Variants in KCNIP4 observed in about 807,000 individuals in gnomAD.
KCNIP4 encodes the protein potassium voltage-gated channel interacting protein 4.
A neutral mutation model predicts 34.0 loss-of-function variants in KCNIP4; 12 were observed. That is an observed-to-expected ratio of 0.35 (90% CI 0.23 to 0.57). The LOEUF is 0.57. KCNIP4 is among the 20% of genes least tolerant of loss of function. KCNIP4 has a pLI of 0.83. For synonymous variants in KCNIP4, 124 were observed against 102.2 expected, an observed-to-expected ratio of 1.21 and a Z score of -1.29; for missense variants, 238 against 311.7, an observed-to-expected ratio of 0.76 and a Z score of 1.78.
At chr4:21,506,908 C>T (rs1475731634) in intron 1 of KCNIP4, among the ~76,000 whole-genome samples, 1 of 151,812 alleles carries the variant, frequency 6.6e-6, no homozygotes, top group South Asian at 2.1e-4. Flanking sequence ...CCTTCTGTCT[C>T]AGCCTCCCAA....
chr4:21,471,437 A>G (rs1231317933), intron 1 of KCNIP4, among the ~76,000 whole-genome samples: 1 of 152,210 alleles, frequency 6.6e-6, no homozygotes, highest in East Asian at 1.9e-4. Flanking sequence ...AATTAAGAGA[A>G]TAATAATTAG....
intron 1 of KCNIP4, among the ~76,000 whole-genome samples, chr4:21,268,128 A>G (rs1357507723): frequency 6.6e-6 from 1 of 152,224 alleles, no homozygotes; most frequent in Non-Finnish European, 1.5e-5. Context: ...TAAATTTTAC[A>G]ACATTATAAA....
intron 1 of KCNIP4, among the ~76,000 whole-genome samples, chr4:21,552,785 T>C (rs1207220021): frequency 6.6e-6 from 1 of 152,062 alleles, no homozygotes; most frequent in East Asian, 1.9e-4. Context: ...TGTAGAGCAA[T>C]ATTCCCAGAC....
At chr4:20,895,644 A>C (rs1726433188) in intron 1 of KCNIP4, among the ~76,000 whole-genome samples, 1 of 152,330 alleles carries the variant, frequency 6.6e-6, no homozygotes, top group South Asian at 2.1e-4. Flanking sequence ...TTTATTCATT[A>C]ATTTAACCAA....
At chr4:21,104,855 C>A (rs1748347534) in intron 1 of KCNIP4, among the ~76,000 whole-genome samples, 1 of 151,604 alleles carries the variant, frequency 6.6e-6, no homozygotes. Context: ...ATAGGGAATC[C>A]TTTCCCCATT....
intron 1 of KCNIP4, among the ~76,000 whole-genome samples, chr4:21,800,164 T>TA (rs1370453582): frequency 2.6e-5 from 4 of 152,112 alleles, no homozygotes; most frequent in Non-Finnish European, 5.9e-5. Context: ...ATTGGTGTGT[T>TA]AAAAAAATCA....
In KCNIP4 at chr4:21,648,208, G is replaced by A. The variant is rs61320611; in HGVS notation, c.61+300363C>T. Among the ~76,000 whole-genome samples, 544 of 151,980 alleles carry A rather than the reference G, an allele frequency of 3.6e-3. 3 individuals carry two copies. Among genetic ancestry groups the A allele is most frequent in the African/African-American group, 0.013 (521 of 41,442 alleles). ...CTTTTAAAAAACAGATGAATACACT[G>A]ATGTCCTTCATCCCTGCAAAACGAG... On this transcript the variant is annotated intron_variant, in intron 1 of 8. Transcript: ENST00000382152.
intron 1 of KCNIP4, among the ~76,000 whole-genome samples, chr4:21,188,782 T>C (rs1437027117): frequency 6.6e-6 from 1 of 152,238 alleles, no homozygotes; most frequent in Non-Finnish European, 1.5e-5. Context: ...GATTAATTAC[T>C]AATACAAGTA....
At chr4:20,919,059 A>T (rs1244329286) in intron 1 of KCNIP4, among the ~76,000 whole-genome samples, 2 of 152,220 alleles carry the variant, frequency 1.3e-5, no homozygotes, top group Admixed American at 1.3e-4. Context: ...TGATACAGAA[A>T]GTTAGAGTGA....
At position 21,415,709 on chromosome 4, in the gene KCNIP4, C is replaced by A. The variant is rs1012060593; in HGVS notation, c.61+532862G>T. Among the ~76,000 whole-genome samples, 11 of 151,840 alleles carry A rather than the reference C, an allele frequency of 7.2e-5. 1 individual carries two copies. The highest frequency in any genetic ancestry group is 1.5e-4 in the Non-Finnish European group (10 of 67,960). On this transcript the variant is annotated intron_variant, in intron 1 of 8. Transcript: ENST00000382152. ...AGAGTGGGACTTTGTCTCAAACAAG[C>A]AAACAAACCAAATAAACAAATAAAA... is the stretch of plus-strand genomic sequence containing the variant.
chr4:21,295,082 T>C (rs891755139), intron 1 of KCNIP4, among the ~76,000 whole-genome samples: 1 of 152,152 alleles, frequency 6.6e-6, no homozygotes, highest in African/African-American at 2.4e-5. Context: ...AAAAGTGTAA[T>C]TATAAGTGTG....
At chr4:21,128,917 A>G (rs1292043295) in intron 1 of KCNIP4, among the ~76,000 whole-genome samples, 1 of 152,182 alleles carries the variant, frequency 6.6e-6, no homozygotes, top group African/African-American at 2.4e-5. Flanking sequence ...TCTTTTCCTG[A>G]TATTTAAAAT....
At chr4:21,792,217 T>G (rs1266664496) in intron 1 of KCNIP4, among the ~76,000 whole-genome samples, 1 of 151,926 alleles carries the variant, frequency 6.6e-6, no homozygotes, top group Non-Finnish European at 1.5e-5. Flanking sequence ...CCATTCCCAG[T>G]GTCTAGAATG....
intron 1 of KCNIP4, among the ~76,000 whole-genome samples, chr4:21,878,155 A>T (rs11723357): frequency 0.54 from 82,560 of 152,066 alleles, 24,258 homozygotes; most frequent in East Asian, 0.73. Context: ...TGCTGACTGT[A>T]GCCTCCACCT....
At chr4:21,259,929 G>A (rs1486181952) in intron 1 of KCNIP4, among the ~76,000 whole-genome samples, 8 of 147,594 alleles carry the variant, frequency 5.4e-5, no homozygotes, top group Middle Eastern at 3.5e-3. Flanking sequence ...GTGCACGTGC[G>A]CTTATGTGCA....
intron 1 of KCNIP4, among the ~76,000 whole-genome samples, chr4:21,371,045 G>A (rs918574880): frequency 4.2e-5 from 6 of 141,464 alleles, no homozygotes; most frequent in Non-Finnish European, 7.4e-5. Context: ...TCTGGTGGGG[G>A]TAGGGGTGAA....
chr4:20,973,127 C>T (rs1735138289), intron 1 of KCNIP4, among the ~76,000 whole-genome samples: 1 of 152,184 alleles, frequency 6.6e-6, no homozygotes, highest in African/African-American at 2.4e-5. Flanking sequence ...ACACTGACTT[C>T]TCCTCTCTAG....
intron 6 of KCNIP4, among the ~76,000 whole-genome samples, chr4:20,733,168 A>G (rs1204118394): frequency 6.6e-6 from 1 of 152,222 alleles, no homozygotes; most frequent in Non-Finnish European, 1.5e-5. Context: ...AGAATCAAAT[A>G]TACGGCACAT....
chr4:21,320,670 A>G (rs1037157862), intron 1 of KCNIP4, among the ~76,000 whole-genome samples: 1 of 152,096 alleles, frequency 6.6e-6, no homozygotes, highest in Admixed American at 6.5e-5. Flanking sequence ...TACATGAGAT[A>G]TGACAGTATT....
Sources: allele counts gnomAD v4.1 joint callset (sites outside exome capture counted in the v4.1 genomes callset), GRCh38; gene constraint gnomAD v4.1.1; transcripts MANE v1.5; gene names NCBI Gene and HGNC (gene_info 2026-07-23, HGNC 2026-07-21).